PPP4R1: variants seen among roughly 807,000 people sequenced by gnomAD.
The protein encoded by PPP4R1 is protein phosphatase 4 regulatory subunit 1.
In PPP4R1, 42 loss-of-function variants were observed where a neutral mutation model predicts 111.2. The ratio of observed to expected loss-of-function variants is 0.38; its 90% confidence interval spans 0.29 to 0.49. The LOEUF (loss-of-function observed/expected upper bound fraction) is 0.49, where lower values mean the gene tolerates loss of function less well. Ranked by LOEUF, PPP4R1 falls within the 20% of genes least tolerant of loss-of-function variation. The pLI is 0.97. For missense variants in PPP4R1, 1,012 were observed against 1,161.6 expected, an observed-to-expected ratio of 0.87 and a Z score of 1.87; for synonymous variants, 409 against 405.5, an observed-to-expected ratio of 1.01 and a Z score of -0.10.
At chr18:9,599,979 G>A (rs1266726599) in intron 2 of PPP4R1, among the ~76,000 whole-genome samples, 2 of 152,060 alleles carry the variant, frequency 1.3e-5, no homozygotes, top group African/African-American at 4.8e-5. Flanking sequence ...TCTGGAGTAA[G>A]GCTCAGGAGC....
At chr18:9,552,364 A>C (rs1043993688) in intron 16 of PPP4R1, among the ~76,000 whole-genome samples, 1 of 152,252 alleles carries the variant, frequency 6.6e-6, no homozygotes, top group Non-Finnish European at 1.5e-5. Context: ...CAAGCCCATC[A>C]GAACAGCTGT....
intron 12 of PPP4R1, 133 bp downstream of exon 12, chr18:9,563,245 C>T (rs2066706536): frequency 1.6e-6 from 2 of 1,268,596 alleles, no homozygotes; most frequent in Non-Finnish European, 1.1e-6. Flanking sequence ...TTACTTTATG[C>T]AAAACGAAGA....
intron 4 of PPP4R1, among the ~76,000 whole-genome samples, chr18:9,591,362 TACCC>T (rs992102171): frequency 1.3e-5 from 2 of 149,010 alleles, no homozygotes; most frequent in African/African-American, 4.9e-5. Flanking sequence ...AAAAAAAAGA[TACCC>T]AAATAGCCAG....
rs769115505 is a variant in PPP4R1 at position 9,584,805 on chromosome 18, C to A, written c.609G>T (p.Met203Ile). 4.3e-6 allele frequency: 7 copies of A among 1,612,396 alleles called. No homozygotes were observed. The highest frequency in any genetic ancestry group is 5.9e-6 in the Non-Finnish European group (7 of 1,179,002). Reference protein sequence around the residue: ...AVAIMCKMAPMVGKDITERLI... With the variant: ...AVAIMCKMAPIVGKDITERLI... ...GACGCTCTGTAATATCCTTCCCAAC[C>A]ATGGGAGCCATTTTGCACATTATCT... Residue 203 changes from methionine (M) to isoleucine (I), a missense_variant, in exon 7 of 20, where the codon ATG (methionine) becomes ATT (isoleucine). Physicochemically the swap from Met to Ile is conservative, Grantham distance 10. This residue lies in a region of PPP4R1 where 707 missense variants were observed against 742.1 expected (regional missense o/e 0.95). Coordinates refer to ENST00000400556, the MANE Select transcript of PPP4R1 (RefSeq NM_001042388.3).
chr18:9,614,462 A>C lies in PPP4R1; in HGVS notation c.7+16T>G. The C allele has an allele frequency of 9.7e-7, 1 of 1,028,324 alleles. No homozygotes were observed. Among genetic ancestry groups the C allele is most frequent in the Non-Finnish European group, 1.2e-6 (1 of 858,944 alleles). 63.7% of individuals were successfully genotyped at this position (1,028,324 alleles called of 1,614,324 possible). ...TCGAGGAGCCGCCGCCGCCCGGAGA[A>C]CAGGGGGCCACGTACCCGCCATCTT... On this transcript the variant is annotated intron_variant, in intron 1 of 19. Transcript: ENST00000400556. The surrounding 1 kb of genome is among the most constrained non-coding windows in gnomAD (Gnocchi z 4.1).
chr18:9,555,949 A>G (rs368443606), intron 15 of PPP4R1, among the ~76,000 whole-genome samples: 19 of 151,266 alleles, frequency 1.3e-4, no homozygotes, highest in African/African-American at 4.4e-4. Flanking sequence ...ATCCTGGCCA[A>G]CACGGTGAAA....
chr18:9,579,267 GT>G (rs2066987211), intron 9 of PPP4R1, among the ~76,000 whole-genome samples: 1 of 152,168 alleles, frequency 6.6e-6, no homozygotes, highest in African/African-American at 2.4e-5. Flanking sequence ...ATTTTTACTA[GT>G]TTCAATGACT....
intron 6 of PPP4R1, among the ~76,000 whole-genome samples, chr18:9,585,205 T>C (rs1767022215): frequency 6.6e-6 from 1 of 152,170 alleles, no homozygotes. Context: ...ATTTAAAAAA[T>C]TGGTGACTGT....
Position 9,553,441 on chromosome 18 carries a change from A to G in PPP4R1, c.2191-19T>C, listed in dbSNP as rs1367074294. ...GAAGAAGCTAAAGTAACAAAATAAAAATATTTACCAGGACAAGGTACAGAC... is the reference window on the plus strand; with the variant it reads ...GAAGAAGCTAAAGTAACAAAATAAAGATATTTACCAGGACAAGGTACAGAC... On this transcript the variant is annotated intron_variant, in intron 15 of 19. Transcript: ENST00000400556. The G allele has an allele frequency of 6.8e-7, 1 of 1,479,002 alleles. No individual in the cohort carries two copies. The highest frequency in any genetic ancestry group is 1.7e-5 in the Admixed American group (1 of 58,846). 91.6% of individuals were successfully genotyped at this position (1,479,002 alleles called of 1,614,324 possible). A position where few individuals can be genotyped will look rare whatever the true frequency, so the allele number is the denominator to read the frequency against.
intron 2 of PPP4R1, chr18:9,612,632 C>T (rs1459937766): frequency 1.3e-5 from 2 of 152,168 alleles, no homozygotes; most frequent in Non-Finnish European, 2.9e-5. Flanking sequence ...TTTACGAAGT[C>T]GAACATAAAT....
intron 6 of PPP4R1, among the ~76,000 whole-genome samples, chr18:9,585,914 C>A (rs1211389863): frequency 6.6e-6 from 1 of 152,064 alleles, no homozygotes; most frequent in Non-Finnish European, 1.5e-5. Context: ...GACTGTGAAA[C>A]TGGCAATTGT....
chr18:9,585,390 A>G (rs1375840173), intron 6 of PPP4R1, among the ~76,000 whole-genome samples: 1 of 152,216 alleles, frequency 6.6e-6, no homozygotes, highest in Non-Finnish European at 1.5e-5. Flanking sequence ...CAGTTCTGAT[A>G]TAGGCATGTT....
chr18:9,588,752 G>GT lies in PPP4R1; in HGVS notation c.396dup (p.Leu133ThrfsTer6). The GT allele has an allele frequency of 6.2e-7, 1 of 1,613,488 alleles. No individual in the cohort carries two copies. The highest frequency in any genetic ancestry group is 8.5e-7 in the Non-Finnish European group (1 of 1,179,426). ...GCAAGGTATCTAACCACAATAGGTA[G>GT]TAAGAATTTTGAAAAAGCATATGGT... On this transcript the variant is annotated frameshift_variant, in exon 5 of 20. Coordinates refer to ENST00000400556, the MANE Select transcript of PPP4R1 (RefSeq NM_001042388.3). LOFTEE classifies it high-confidence loss of function.
chr18:9,577,906 T>G (rs1037122199), intron 9 of PPP4R1, among the ~76,000 whole-genome samples: 8 of 152,164 alleles, frequency 5.3e-5, no homozygotes, highest in Non-Finnish European at 1.2e-4. Flanking sequence ...ATTTAATGTT[T>G]TCAGGTAGGA....
chr18:9,600,271 G>C (rs756478695), intron 2 of PPP4R1, among the ~76,000 whole-genome samples: 2 of 144,348 alleles, frequency 1.4e-5, no homozygotes, highest in Non-Finnish European at 3.0e-5. Context: ...TAGCTAGAAA[G>C]ATAATGGAGA....
chr18:9,571,332 AATTC>A (rs1337838316), intron 10 of PPP4R1, among the ~76,000 whole-genome samples: 1 of 152,228 alleles, frequency 6.6e-6, no homozygotes, highest in Non-Finnish European at 1.5e-5. Flanking sequence ...AGATGGTACA[AATTC>A]ATTAAAGTCC....
chr18:9,590,782 A>G (rs2067197957), intron 4 of PPP4R1, among the ~76,000 whole-genome samples: 2 of 152,182 alleles, frequency 1.3e-5, no homozygotes, highest in Non-Finnish European at 2.9e-5. Context: ...GCAAAAAACA[A>G]TAAGGCTTCT....
At chr18:9,577,396 G>T (rs2066953896) in intron 9 of PPP4R1, among the ~76,000 whole-genome samples, 1 of 152,218 alleles carries the variant, frequency 6.6e-6, no homozygotes. Flanking sequence ...TGGGCGCAGT[G>T]GCTCATGCCT....
At chr18:9,564,697 G>GGTGTGTGTGTGTGTGTGTGT (rs1178823297) in intron 11 of PPP4R1, among the ~76,000 whole-genome samples, 2 of 93,492 alleles carry the variant, frequency 2.1e-5, no homozygotes, top group East Asian at 2.9e-4. Flanking sequence ...TAAAGTGCAT[G>GGTGTGTGTGTGTGTGTGTGT]GTGTGTGTGT....
Sources: gnomAD v4.1 joint callset for allele counts (sites outside exome capture counted in the v4.1 genomes callset) on GRCh38, gnomAD v4.1.1 for gene constraint, gnomAD v4.1.1 regional missense constraint, Gnocchi (gnomAD v3.1) non-coding constraint, MANE v1.5 for transcripts, NCBI Gene and HGNC (gene_info 2026-07-23, HGNC 2026-07-21) for gene names.